ADCY5: variants seen among roughly 807,000 people sequenced by gnomAD.
The protein encoded by ADCY5 is adenylate cyclase type 5.
In ADCY5, 30 loss-of-function variants were observed where a neutral mutation model predicts 119.7. The observed-to-expected ratio is 0.25, with a 90% confidence interval of 0.19 to 0.34. The LOEUF (loss-of-function observed/expected upper bound fraction) is 0.34, where lower values mean the gene tolerates loss of function less well. Among genes scored for constraint, ADCY5 ranks in the 10% least tolerant of loss-of-function variants. The pLI is 1.00. For synonymous variants in ADCY5, 753 were observed against 762.2 expected, an observed-to-expected ratio of 0.99 and a Z score of 0.20; for missense variants, 1,324 against 1,775.2, an observed-to-expected ratio of 0.75 and a Z score of 4.57.
chr3:123,377,382 C>T (rs1404702493), intron 1 of ADCY5, among the ~76,000 whole-genome samples: 1 of 152,164 alleles, frequency 6.6e-6, no homozygotes, highest in African/African-American at 2.4e-5. Flanking sequence ...AAAACCCCAC[C>T]CCACCTTTCT....
At chr3:123,296,814 C>T (rs967490835) in intron 16 of ADCY5, among the ~76,000 whole-genome samples, 3 of 152,234 alleles carry the variant, frequency 2.0e-5, no homozygotes, top group African/African-American at 7.2e-5. Context: ...GTTTTTGTTA[C>T]TAATAGATAC....
intron 2 of ADCY5, among the ~76,000 whole-genome samples, chr3:123,348,317 A>G (rs1443440987): frequency 1.3e-5 from 2 of 152,098 alleles, no homozygotes; most frequent in Non-Finnish European, 2.9e-5. Context: ...TGTTGAGAGC[A>G]TTAAATGAGA....
rs745728887 is a variant in ADCY5 at position 123,416,189 on chromosome 3, G to A, written c.1134+31223C>T. ...GAGGTGGCCATGACACTCACCCTCC[G>A]TGGGGCCCATTCTCCTCCAGGACCT... On this transcript the variant is annotated intron_variant, in intron 1 of 20. Transcript: ENST00000462833. 1.2e-5 allele frequency: 19 copies of A among 1,536,106 alleles called. No homozygotes were observed. The African/African-American group carries it at 1.6e-4, about 13-fold the overall frequency.
intron 1 of ADCY5, among the ~76,000 whole-genome samples, chr3:123,393,986 A>G (rs1944472162): frequency 6.6e-6 from 1 of 152,084 alleles, no homozygotes; most frequent in Non-Finnish European, 1.5e-5. Flanking sequence ...ATACACACAC[A>G]CAAAATTAGC....
At chr3:123,308,239 G>A (rs925730009) in intron 12 of ADCY5, among the ~76,000 whole-genome samples, 21 of 151,694 alleles carry the variant, frequency 1.4e-4, no homozygotes, top group African/African-American at 4.3e-4. Flanking sequence ...GGGTTTCACT[G>A]TGTTAGCCAG....
chr3:123,331,954 G>A lies in ADCY5; in HGVS notation c.1518+610C>T, dbSNP rs541127503. 1.8e-4 allele frequency among the ~76,000 whole-genome samples: 27 copies of A among 152,298 alleles called. No individual in the cohort carries two copies. In the South Asian group the frequency reaches 5.2e-3, roughly 29 times the overall value. ...AGGGGAATGTGTCCACCCGTCAGTG[G>A]CCACTGACATTTAATCACTCTACAA... On this transcript the variant is annotated intron_variant, in intron 4 of 20. Coordinates refer to ENST00000462833, the MANE Select transcript of ADCY5 (RefSeq NM_183357.3).
intron 11 of ADCY5, among the ~76,000 whole-genome samples, chr3:123,317,031 GTA>G (rs1050367466): frequency 2.7e-4 from 22 of 80,970 alleles, no homozygotes; most frequent in Admixed American, 4.8e-4. Context: ...ATACGTATAT[GTA>G]TGTGTGTGTG....
rs368636969 is a variant in ADCY5 at position 123,328,679 on chromosome 3, C to T, written c.1770G>A (p.Thr590=). 7 of 1,614,180 alleles carry T rather than the reference C, an allele frequency of 4.3e-6. No individual in the cohort carries two copies. Among genetic ancestry groups the T allele is most frequent in the South Asian group, 3.3e-5 (3 of 91,084 alleles). Residue 590 remains threonine, a synonymous_variant, in exon 6 of 21, where the codon ACG becomes ACA. Transcript: ENST00000462833. ...CGCCAGCCTCCATGTGGTTGGCTAG[C>T]GTGACATCGTTAGACCAGACGTCGA... ...WQFDVWSNDV[T]LANHMEAGGK...
intron 1 of ADCY5, among the ~76,000 whole-genome samples, chr3:123,414,530 C>T (rs537075868): frequency 4.6e-5 from 7 of 152,132 alleles, no homozygotes; most frequent in Non-Finnish European, 8.8e-5. Context: ...TTCTGAGGAC[C>T]ACTTCTAAGC....
rs1559883543 is a variant in ADCY5 at position 123,448,568 on chromosome 3, CCTT to C, written c.-26_-24del. 1 of 1,263,058 alleles carries C rather than the reference CCTT, an allele frequency of 7.9e-7. No homozygotes were observed. Among genetic ancestry groups the C allele is most frequent in the Non-Finnish European group, 9.9e-7 (1 of 1,006,022 alleles). 78.2% of individuals were successfully genotyped at this position (1,263,058 alleles called of 1,614,324 possible). A position where few individuals can be genotyped will look rare whatever the true frequency, so the allele number is the denominator to read the frequency against. On this transcript the variant is annotated 5_prime_UTR_variant, in exon 1 of 21. Transcript: ENST00000462833. ...CATCCCCCCCTCGGCCTCGTCGTCT[CCTT>C]CCTCCTCCCCCGGAAGCCGGGCCGG...
At chr3:123,443,468 G>A (rs1271134234) in intron 1 of ADCY5, among the ~76,000 whole-genome samples, 2 of 152,072 alleles carry the variant, frequency 1.3e-5, no homozygotes, top group African/African-American at 2.4e-5. Flanking sequence ...AGATGCGCAC[G>A]TGCTCACGTA....
Position 123,318,122 on chromosome 3 carries a change from G to A in ADCY5, c.2257-5C>T. The A allele has an allele frequency of 2.5e-6, 4 of 1,611,852 alleles. No individual in the cohort carries two copies. Among genetic ancestry groups the A allele is most frequent in the Non-Finnish European group, 3.4e-6 (4 of 1,178,758 alleles). On this transcript the variant is annotated splice_polypyrimidine_tract_variant and splice_region_variant and intron_variant, in intron 10 of 20. Coordinates refer to ENST00000462833, the MANE Select transcript of ADCY5 (RefSeq NM_183357.3). ...GTCGTCTACCTGCTTGGAGTACTGAGAGGAGACGGGCAGGGTGAGAGGGGC... is the reference window on the plus strand; with the variant it reads ...GTCGTCTACCTGCTTGGAGTACTGAAAGGAGACGGGCAGGGTGAGAGGGGC...
At chr3:123,363,420 G>A (rs1384970647) in intron 1 of ADCY5, among the ~76,000 whole-genome samples, 2 of 152,102 alleles carry the variant, frequency 1.3e-5, no homozygotes, top group Admixed American at 1.3e-4. Flanking sequence ...AACCTTTCTG[G>A]AAACCAATTT....
chr3:123,405,673 C>T (rs369256499), intron 1 of ADCY5, among the ~76,000 whole-genome samples: 7 of 152,100 alleles, frequency 4.6e-5, no homozygotes, highest in East Asian at 1.9e-4. Context: ...CTCGCTTTGT[C>T]GTCCAGGCCA....
intron 15 of ADCY5, among the ~76,000 whole-genome samples, chr3:123,299,117 G>A (rs1287264793): frequency 6.6e-6 from 1 of 152,170 alleles, no homozygotes; most frequent in Non-Finnish European, 1.5e-5. Flanking sequence ...TCTGAATCAT[G>A]AAGTTGTACC....
At chr3:123,338,626 G>A (rs553150067) in intron 3 of ADCY5, among the ~76,000 whole-genome samples, 3 of 152,160 alleles carry the variant, frequency 2.0e-5, no homozygotes, top group East Asian at 1.9e-4. Context: ...CCCTCATGGC[G>A]GGTGCACAGA....
At chr3:123,427,465 C>T (rs150573990) in intron 1 of ADCY5, among the ~76,000 whole-genome samples, 2 of 152,312 alleles carry the variant, frequency 1.3e-5, no homozygotes, top group East Asian at 1.9e-4. Context: ...CTCTTGCCAC[C>T]ATGCCTTCGC....
chr3:123,359,178 G>A (rs978279348), intron 1 of ADCY5, among the ~76,000 whole-genome samples: 1 of 151,754 alleles, frequency 6.6e-6, no homozygotes, highest in Admixed American at 6.6e-5. Flanking sequence ...GAATGGTGGT[G>A]GCTGTGGTGG....
intron 17 of ADCY5, 26 bp downstream of exon 17, chr3:123,296,058 C>T (rs1939480838): frequency 6.2e-7 from 1 of 1,612,004 alleles, no homozygotes; most frequent in Non-Finnish European, 8.5e-7. Flanking sequence ...GCCTCCCTCC[C>T]CAGGTCCAGC....
Sources: gnomAD v4.1 joint callset for allele counts (sites outside exome capture counted in the v4.1 genomes callset) on GRCh38, gnomAD v4.1.1 for gene constraint, MANE v1.5 for transcripts, NCBI Gene and HGNC (gene_info 2026-07-23, HGNC 2026-07-21) for gene names.